GALNT17: variants seen among roughly 807,000 people sequenced by gnomAD.
GALNT17 encodes the protein polypeptide N-acetylgalactosaminyltransferase 17, also known as UDP-GalNAc:polypeptide N-acetylgalactosaminyltransferase-like 3.
Under a neutral mutation model 63.7 loss-of-function variants are expected in GALNT17, and 29 were observed. The observed-to-expected ratio is 0.46, with a 90% CI of 0.34 to 0.62. GALNT17 has a LOEUF of 0.62. Ranked by LOEUF, GALNT17 falls within the 20% of genes least tolerant of loss-of-function variation. The pLI is 0.01. For synonymous variants in GALNT17, 305 were observed against 318.3 expected, an observed-to-expected ratio of 0.96 and a Z score of 0.45; for missense variants, 603 against 799.6, an observed-to-expected ratio of 0.75 and a Z score of 2.97.
intron 1 of GALNT17, among the ~76,000 whole-genome samples, chr7:71,177,185 T>G (rs1197023153): frequency 1.3e-5 from 2 of 152,090 alleles, no homozygotes; most frequent in African/African-American, 4.8e-5. Flanking sequence ...CAGACACTGA[T>G]CTCTCTTGGT....
intron 3 of GALNT17, among the ~76,000 whole-genome samples, chr7:71,391,350 C>T (rs1471850797): frequency 1.3e-5 from 2 of 152,122 alleles, no homozygotes; most frequent in Non-Finnish European, 2.9e-5. Flanking sequence ...CAATCTCAGC[C>T]ATAACTCCAG....
chr7:71,629,031 T>C (rs1196566611), intron 6 of GALNT17, among the ~76,000 whole-genome samples: 2 of 152,154 alleles, frequency 1.3e-5, no homozygotes, highest in Admixed American at 6.5e-5. Context: ...CACGCCCCTA[T>C]CTGGGGGCAC....
intron 9 of GALNT17, among the ~76,000 whole-genome samples, chr7:71,693,953 C>T (rs570829332): frequency 9.9e-4 from 151 of 152,040 alleles, no homozygotes; most frequent in African/African-American, 3.5e-3. Flanking sequence ...TTATTTAATC[C>T]GTTATTTTAT....
At chr7:71,704,374 A>T (rs1791693983) in intron 9 of GALNT17, among the ~76,000 whole-genome samples, 1 of 152,196 alleles carries the variant, frequency 6.6e-6, no homozygotes, top group South Asian at 2.1e-4. Flanking sequence ...TTAAAGATCT[A>T]AGTAAAAAAG....
intron 1 of GALNT17, among the ~76,000 whole-genome samples, chr7:71,325,625 C>T (rs548945676): frequency 3.6e-4 from 55 of 152,314 alleles, no homozygotes; most frequent in African/African-American, 1.3e-3. Flanking sequence ...AGCTCAGAGT[C>T]AATTTACAAC....
intron 6 of GALNT17, among the ~76,000 whole-genome samples, chr7:71,652,257 C>T (rs1253830009): frequency 6.6e-6 from 1 of 152,010 alleles, no homozygotes; most frequent in Non-Finnish European, 1.5e-5. Flanking sequence ...GTTCTTACCA[C>T]CGCGGTACTT....
chr7:71,164,053 A>G (rs943421379), intron 1 of GALNT17, among the ~76,000 whole-genome samples: 4 of 152,210 alleles, frequency 2.6e-5, no homozygotes, highest in Non-Finnish European at 5.9e-5. Flanking sequence ...AAAGAGCTAA[A>G]CGGGTCCCAG....
At chr7:71,382,219 A>G (rs1792859545) in intron 2 of GALNT17, among the ~76,000 whole-genome samples, 1 of 152,056 alleles carries the variant, frequency 6.6e-6, no homozygotes, top group Non-Finnish European at 1.5e-5. Flanking sequence ...GTCTCTAATA[A>G]AAATAGAAAA....
intron 1 of GALNT17, among the ~76,000 whole-genome samples, chr7:71,177,860 T>C (rs1030282287): frequency 1.3e-5 from 2 of 152,184 alleles, no homozygotes; most frequent in African/African-American, 4.8e-5. Context: ...CCAAAATCAA[T>C]CTAGAGACTA....
intron 5 of GALNT17, among the ~76,000 whole-genome samples, chr7:71,478,256 G>C (rs1271820945): frequency 2.0e-5 from 3 of 152,068 alleles, no homozygotes; most frequent in Admixed American, 2.0e-4. Context: ...GTGATCCTAT[G>C]ATCACTCTCC....
chr7:71,251,321 G>A (rs1031561030), intron 1 of GALNT17, among the ~76,000 whole-genome samples: 7 of 152,124 alleles, frequency 4.6e-5, no homozygotes, highest in Admixed American at 3.9e-4. Flanking sequence ...TTTCTGTATG[G>A]TTCATTTTAA....
chr7:71,192,296 C>T (rs1266259750), intron 1 of GALNT17, among the ~76,000 whole-genome samples: 1 of 152,140 alleles, frequency 6.6e-6, no homozygotes, highest in Non-Finnish European at 1.5e-5. Flanking sequence ...TCTCCTTTGG[C>T]AACACCCTCA....
intron 1 of GALNT17, among the ~76,000 whole-genome samples, chr7:71,154,445 T>G (rs12674459): frequency 0.33 from 50,657 of 152,132 alleles, 8,844 homozygotes; most frequent in Middle Eastern, 0.38. Context: ...TTTAAGCCAC[T>G]TTTTGGGTGG....
intron 1 of GALNT17, among the ~76,000 whole-genome samples, chr7:71,141,184 T>C (rs1787883066): frequency 6.6e-6 from 1 of 151,928 alleles, no homozygotes; most frequent in South Asian, 2.1e-4. Flanking sequence ...CTGGCCAACA[T>C]GGCGAAACCC....
In GALNT17 at chr7:71,239,902, G is replaced by A. The variant is rs577952767; in HGVS notation, c.239-95648G>A. Among the ~76,000 whole-genome samples the A allele has an allele frequency of 3.1e-4, 47 of 152,354 alleles. 1 individual carries two copies. The highest frequency in any genetic ancestry group is 1.1e-3 in the African/African-American group (44 of 41,592). ...GAATAAAGTGATAAGTGACTTCAGA[G>A]TAAGGGGAAGTGGTTGTTTGCAGAG... On this transcript the variant is annotated intron_variant, in intron 1 of 10. Coordinates refer to ENST00000333538, the MANE Select transcript of GALNT17 (RefSeq NM_022479.3).
At chr7:71,492,050 G>A (rs1322881622) in intron 5 of GALNT17, among the ~76,000 whole-genome samples, 1 of 151,938 alleles carries the variant, frequency 6.6e-6, no homozygotes, top group Non-Finnish European at 1.5e-5. Context: ...GGGAGGCCAA[G>A]GTGGGCAGAT....
chr7:71,665,307 T>G (rs1790967247), intron 6 of GALNT17, 104 bp from the exon 7 acceptor site: 1 of 1,200,452 alleles, frequency 8.3e-7, no homozygotes, highest in African/African-American at 1.5e-5. Flanking sequence ...AAAATGTATT[T>G]TACGTTTATG....
chr7:71,437,129 A>C (rs917008649), intron 5 of GALNT17, among the ~76,000 whole-genome samples: 1 of 152,206 alleles, frequency 6.6e-6, no homozygotes, highest in Admixed American at 6.5e-5. Flanking sequence ...GTAGAGAGCA[A>C]TCATGCAACC....
chr7:71,560,667 A>G (rs950871559), intron 5 of GALNT17, among the ~76,000 whole-genome samples: 1 of 152,206 alleles, frequency 6.6e-6, no homozygotes, highest in Non-Finnish European at 1.5e-5. Context: ...TAGCACCGTC[A>G]TGAGAAAGTT....
Sources: gnomAD v4.1 joint callset for allele counts (sites outside exome capture counted in the v4.1 genomes callset) on GRCh38, gnomAD v4.1.1 for gene constraint, MANE v1.5 for transcripts, NCBI Gene and HGNC (gene_info 2026-07-23, HGNC 2026-07-21) for gene names.